The following MAPK8IP3 variants were observed in gnomAD, a reference collection of about 807,000 sequenced individuals.
MAPK8IP3 encodes mitogen-activated protein kinase 8 interacting protein 3, also known as C-Jun-amino-terminal kinase-interacting protein 3.
MAPK8IP3 carries 49 observed loss-of-function variants against 157.8 expected under a neutral mutation model. The ratio of observed to expected loss-of-function variants is 0.31; its 90% CI spans 0.25 to 0.39. The LOEUF is 0.39. MAPK8IP3 is among the 10% of genes least tolerant of loss of function. The probability of loss-of-function intolerance (pLI) is 1.00; values close to 1 mark genes in which losing one functional copy is unlikely to be tolerated. For missense variants in MAPK8IP3, 1,478 were observed against 1,889.4 expected (o/e 0.78, Z 4.04); for synonymous variants, 897 against 777.7 (o/e 1.15, Z -2.55).
At position 1,743,504 on chromosome 16, in the gene MAPK8IP3, G is replaced by GGCTCCTCC. The variant is rs781490505; in HGVS notation, c.747+29_747+36dup. 1 of 1,603,682 alleles carries GGCTCCTCC rather than the reference G, an allele frequency of 6.2e-7. No individual in the cohort carries two copies. The highest frequency in any genetic ancestry group is 1.1e-5 in the South Asian group (1 of 90,308). Reference sequence around the variant, plus strand: ...TTTGTAGCCGTGCCGTGGAGTGAGAGGCTCCTCCCTGTTGCTGGTGTTCCC... The same window carrying GGCTCCTCC: ...TTTGTAGCCGTGCCGTGGAGTGAGAGGCTCCTCCGCTCCTCCCTGTTGCTGGTGTTCCC... On this transcript the variant is annotated intron_variant, in intron 5 of 31. Transcript: ENST00000610761. This position sits in a 1 kb window ranked among gnomAD's most constrained non-coding sequence, Gnocchi z 5.6.
At chr16:1,716,104 C>T (rs538938657) in intron 1 of MAPK8IP3, among the ~76,000 whole-genome samples, 3 of 152,212 alleles carry the variant, frequency 2.0e-5, no homozygotes, top group Non-Finnish European at 2.9e-5. Context: ...GCCTGTTGAT[C>T]GCCCTGTGAA....
chr16:1,768,042 T>C, intron 28 of MAPK8IP3, 27 bp from the exon 29 acceptor site: 1 of 1,612,182 alleles, frequency 6.2e-7, no homozygotes, highest in South Asian at 1.1e-5. Flanking sequence ...GCTCTCCTCT[T>C]CTCCCATGCT....
At chr16:1,716,025 C>A (rs530100902) in intron 1 of MAPK8IP3, among the ~76,000 whole-genome samples, 1 of 151,902 alleles carries the variant, frequency 6.6e-6, no homozygotes, top group South Asian at 2.1e-4. Flanking sequence ...CTGCACCGGC[C>A]GAGGTTTGGA....
chr16:1,764,147 G>A lies in MAPK8IP3; in HGVS notation c.2058G>A (p.Arg686=), dbSNP rs571708689. Residue 686 remains arginine, a synonymous_variant, in exon 18 of 32, where the codon CGG becomes CGA. Coordinates refer to ENST00000610761, the MANE Select transcript of MAPK8IP3 (RefSeq NM_001318852.2). ...CCAACGGGGGCCAGGAGGACACGCGGATGAAGAACGTGCCGGTGCCGGTGT... is the reference window on the plus strand; with the variant it reads ...CCAACGGGGGCCAGGAGGACACGCGAATGAAGAACGTGCCGGTGCCGGTGT... The part of the protein sequence containing the change: ...LSPNGGQEDT[R]MKNVPVPVYC... 5.0e-6 allele frequency: 8 copies of A among 1,611,562 alleles called. No homozygotes were observed. The Admixed American group carries it at 1.2e-4, about 24-fold the overall frequency.
At chr16:1,760,646 C>G in intron 12 of MAPK8IP3, 114 bp downstream of exon 12, 1 of 1,311,766 alleles carries the variant, frequency 7.6e-7, no homozygotes, top group Non-Finnish European at 1.0e-6. Flanking sequence ...GCATAGCCTA[C>G]CTACCTCCAG....
chr16:1,768,827 C>T lies in MAPK8IP3; in HGVS notation c.*3C>T. The T allele has an allele frequency of 6.2e-7, 1 of 1,611,904 alleles. No homozygotes were observed. The highest frequency in any genetic ancestry group is 1.1e-5 in the South Asian group (1 of 91,062). On this transcript the variant is annotated 3_prime_UTR_variant, in exon 32 of 32. Transcript: ENST00000610761. ...AGGTGTCCTACACCCCCGAGTGAAG[C>T]TGCTGCCCTGCCTGGCCCGACCTGT... is the stretch of plus-strand genomic sequence containing the variant.
Position 1,768,857 on chromosome 16 carries a change from AG to A in MAPK8IP3, c.*35del. 6.2e-7 allele frequency: 1 copy of A among 1,604,644 alleles called. No individual in the cohort carries two copies. On this transcript the variant is annotated 3_prime_UTR_variant, in exon 32 of 32. Coordinates refer to ENST00000610761, the MANE Select transcript of MAPK8IP3 (RefSeq NM_001318852.2). ...GCCCTGCCTGGCCCGACCTGTACAT[AG>A]GACCCCCGACCACCTGACCCCCGCC... is the stretch of plus-strand genomic sequence containing the variant.
In MAPK8IP3 at chr16:1,706,497, A is replaced by G; in HGVS notation, c.158A>G (p.Lys53Arg). 1 of 1,614,110 alleles carries G rather than the reference A, an allele frequency of 6.2e-7. No individual in the cohort carries two copies. Among genetic ancestry groups the G allele is most frequent in the Non-Finnish European group, 8.5e-7 (1 of 1,179,998 alleles). Reference protein sequence around the residue: ...LIHCYDEEVVKELMPLVVNVL... With the variant: ...LIHCYDEEVVRELMPLVVNVL... ...CACTGCTACGACGAGGAGGTGGTCA[A>G]GGAGCTCATGCCGCTGGTGGTGAAC... is the stretch of plus-strand genomic sequence containing the variant. Residue 53 changes from lysine (K) to arginine (R), a missense_variant, in exon 1 of 32, where the codon AAG becomes AGG. Coordinates refer to ENST00000610761, the MANE Select transcript of MAPK8IP3 (RefSeq NM_001318852.2). This position sits in a 1 kb window ranked among gnomAD's most constrained non-coding sequence, Gnocchi z 5.1.
At chr16:1,752,512 G>A (rs1390233573) in intron 8 of MAPK8IP3, 2 of 362,520 alleles carry the variant, frequency 5.5e-6, no homozygotes, top group Admixed American at 6.6e-5. Flanking sequence ...GGAGGCCAGG[G>A]CAGGAGGATC....
At position 1,749,274 on chromosome 16, in the gene MAPK8IP3, C is replaced by T. The variant is rs150074348; in HGVS notation, c.1216+554C>T. On this transcript the variant is annotated intron_variant, in intron 8 of 31. Coordinates refer to ENST00000610761, the MANE Select transcript of MAPK8IP3 (RefSeq NM_001318852.2). Reference sequence around the variant, plus strand: ...CCCATGATCTCAGTTTAGAATGTTCCGCCATCCCTAAAAGAAATCCATGCC... The same window carrying T: ...CCCATGATCTCAGTTTAGAATGTTCTGCCATCCCTAAAAGAAATCCATGCC... 3.3e-5 allele frequency among the ~76,000 whole-genome samples: 5 copies of T among 152,314 alleles called. No homozygotes were observed. In the East Asian group the frequency reaches 7.7e-4, roughly 24 times the overall value.
chr16:1,768,184 G>C lies in MAPK8IP3; in HGVS notation c.3563-15G>C. 1 of 1,611,928 alleles carries C rather than the reference G, an allele frequency of 6.2e-7. No individual in the cohort carries two copies. The highest frequency in any genetic ancestry group is 8.5e-7 in the Non-Finnish European group (1 of 1,179,578). ...CTGTATGCGGGCTCAGCGCCTCTGG[G>C]TTCTCTCCCTGCAGCCAATAAGACA... On this transcript the variant is annotated splice_polypyrimidine_tract_variant and intron_variant, in intron 29 of 31. Coordinates refer to ENST00000610761, the MANE Select transcript of MAPK8IP3 (RefSeq NM_001318852.2).
intron 6 of MAPK8IP3, 90 bp downstream of exon 6, chr16:1,747,365 A>G: frequency 6.6e-7 from 1 of 1,520,702 alleles, no homozygotes; most frequent in Admixed American, 1.9e-5. Flanking sequence ...CCAGGCGGGC[A>G]GTGCAGGCAG....
At chr16:1,764,877 T>C in intron 19 of MAPK8IP3, 136 bp from the exon 20 acceptor site, 1 of 826,192 alleles carries the variant, frequency 1.2e-6, no homozygotes, top group South Asian at 1.8e-5. Flanking sequence ...GTTCTGGTCC[T>C]GGGGGAGGAC....
rs1483273496 is a variant in MAPK8IP3, at chr16:1,743,375, G to A, written c.646G>A (p.Asp216Asn). Reference protein sequence around the residue: ...PTSLNVFPLADGTVRAQIGGK... With the variant: ...PTSLNVFPLANGTVRAQIGGK... ...CTCCCTGAACGTGTTCCCCCTGGCT[G>A]ACGGCACGGTACGTGCACAGATCGG... Residue 216 changes from aspartate to asparagine, a missense_variant, in exon 5 of 32, where the codon GAC (aspartate) becomes AAC (asparagine). Coordinates refer to ENST00000610761, the MANE Select transcript of MAPK8IP3 (RefSeq NM_001318852.2). This position sits in a 1 kb window ranked among gnomAD's most constrained non-coding sequence, Gnocchi z 5.6. 2 of 1,576,394 alleles carry A rather than the reference G, an allele frequency of 1.3e-6. No individual in the cohort carries two copies. The highest frequency in any genetic ancestry group is 1.7e-6 in the Non-Finnish European group (2 of 1,164,928).
intron 2 of MAPK8IP3, among the ~76,000 whole-genome samples, chr16:1,726,181 G>A (rs934874629): frequency 2.6e-5 from 4 of 152,206 alleles, no homozygotes; most frequent in Non-Finnish European, 5.9e-5. Context: ...GGGGCCAGAG[G>A]GTGACCACGG....
intron 8 of MAPK8IP3, among the ~76,000 whole-genome samples, chr16:1,755,312 C>T (rs1227028397): frequency 1.3e-5 from 2 of 152,156 alleles, no homozygotes; most frequent in African/African-American, 4.8e-5. Context: ...CCTGACCTCC[C>T]CGTAAACAGC....
At chr16:1,711,298 C>T (rs1474390136) in intron 1 of MAPK8IP3, among the ~76,000 whole-genome samples, 1 of 152,160 alleles carries the variant, frequency 6.6e-6, no homozygotes, top group Non-Finnish European at 1.5e-5. Flanking sequence ...TCTGCGGTGG[C>T]CCCTCGTTCT....
intron 1 of MAPK8IP3, among the ~76,000 whole-genome samples, chr16:1,712,352 C>T (rs531197860): frequency 6.7e-4 from 102 of 152,026 alleles, no homozygotes; most frequent in Middle Eastern, 3.4e-3. Flanking sequence ...TGAGCCATCG[C>T]GCCCGGCCAG....
rs765180057 is a variant in MAPK8IP3 at position 1,747,181 on chromosome 16, C to T, written c.900C>T (p.Gly300=). 29 of 1,613,802 alleles carry T rather than the reference C, an allele frequency of 1.8e-5. No homozygotes were observed. The highest frequency in any genetic ancestry group is 2.2e-5 in the South Asian group (2 of 91,092). ...GCCTGCAGCCCCTGGGGGACTATGG[C>T]GTGGGCTCCAAGAACAGCAAGCGTG... The part of the protein sequence containing the change: ...NESLQPLGDY[G]VGSKNSKRAR... The change falls in exon 6 of 32, where the codon GGC becomes GGT. Residue 300 remains glycine, a synonymous_variant. Transcript: ENST00000610761.
Sources: allele counts gnomAD v4.1 joint callset (sites outside exome capture counted in the v4.1 genomes callset), GRCh38; gene constraint gnomAD v4.1.1; non-coding constraint Gnocchi (gnomAD v3.1); transcripts MANE v1.5; gene names NCBI Gene and HGNC (gene_info 2026-07-23, HGNC 2026-07-21).